The following SYN3 variants were observed in gnomAD, a reference collection of about 807,000 sequenced individuals.
SYN3 encodes synapsin-3.
SYN3 carries 35 observed loss-of-function variants against 65.8 expected under a neutral mutation model. The observed-to-expected ratio is 0.53, with a 90% CI of 0.41 to 0.70. The LOEUF is 0.70. SYN3 is among the 30% of genes least tolerant of loss of function. SYN3 has a pLI of 0.00. For missense variants in SYN3, 680 were observed against 749.0 expected, an observed-to-expected ratio of 0.91 and a Z score of 1.08; for synonymous variants, 270 against 292.9, an observed-to-expected ratio of 0.92 and a Z score of 0.80.
intron 6 of SYN3, among the ~76,000 whole-genome samples, chr22:32,752,758 G>A (rs371149368): frequency 9.2e-5 from 14 of 152,268 alleles, no homozygotes; most frequent in African/African-American, 3.1e-4. Flanking sequence ...ATCTCTGATC[G>A]ACAGGAGATC....
At chr22:32,793,983 G>A (rs530215430) in intron 6 of SYN3, among the ~76,000 whole-genome samples, 7 of 152,218 alleles carry the variant, frequency 4.6e-5, no homozygotes, top group Non-Finnish European at 1.0e-4. Context: ...TGCAAAGAAA[G>A]TGTTGGGGAA....
chr22:32,958,945 C>A (rs1011819998), intron 3 of SYN3, among the ~76,000 whole-genome samples: 36 of 152,114 alleles, frequency 2.4e-4, no homozygotes, highest in Admixed American at 4.6e-4. Flanking sequence ...ATAATCCCAG[C>A]ACTTTGAGAG....
At chr22:33,056,590 A>G (rs2054257917) in intron 1 of SYN3, among the ~76,000 whole-genome samples, 1 of 152,218 alleles carries the variant, frequency 6.6e-6, no homozygotes, top group Non-Finnish European at 1.5e-5. Flanking sequence ...CCTCTCTTGC[A>G]CTGCACCATA....
chr22:32,566,702 C>A (rs971961620), intron 7 of SYN3, among the ~76,000 whole-genome samples: 1 of 152,108 alleles, frequency 6.6e-6, no homozygotes, highest in Non-Finnish European at 1.5e-5. Context: ...ATGGAGACAA[C>A]TACAGGCTCC....
At chr22:32,533,918 A>G in intron 9 of SYN3, 23 bp from the exon 10 acceptor site, 1 of 1,572,130 alleles carries the variant, frequency 6.4e-7, no homozygotes, top group Non-Finnish European at 8.7e-7. Flanking sequence ...ATGGACAGAC[A>G]GTGAAGTGGC....
At chr22:32,764,117 C>T (rs1055972448) in intron 6 of SYN3, among the ~76,000 whole-genome samples, 107 of 152,092 alleles carry the variant, frequency 7.0e-4, no homozygotes, top group African/African-American at 2.5e-3. Context: ...TTTGTATATA[C>T]TTTTTAGTAG....
intron 6 of SYN3, among the ~76,000 whole-genome samples, chr22:32,648,079 G>A (rs1183328927): frequency 6.6e-6 from 1 of 151,842 alleles, no homozygotes; most frequent in African/African-American, 2.4e-5. Context: ...GCCTAGACTG[G>A]TCTCAAACTC....
At chr22:32,554,699 A>G (rs77126429) in intron 7 of SYN3, among the ~76,000 whole-genome samples, 3,829 of 152,304 alleles carry the variant, frequency 0.025, 64 homozygotes, top group Non-Finnish European at 0.037. Context: ...CACAGCAGTA[A>G]GAACTAGCTG....
At chr22:32,558,872 C>T (rs571934016) in intron 7 of SYN3, among the ~76,000 whole-genome samples, 2 of 152,358 alleles carry the variant, frequency 1.3e-5, no homozygotes, top group African/African-American at 2.4e-5. Context: ...ACCTGAGTCA[C>T]CCGCCCCACC....
intron 7 of SYN3, among the ~76,000 whole-genome samples, chr22:32,568,472 T>C (rs2058702615): frequency 6.6e-6 from 1 of 152,180 alleles, no homozygotes. Context: ...TCTAACAAAA[T>C]ACCATAAACT....
intron 10 of SYN3, among the ~76,000 whole-genome samples, chr22:32,529,346 G>A (rs771175665): frequency 8.5e-5 from 13 of 152,176 alleles, no homozygotes; most frequent in Admixed American, 5.9e-4. Context: ...CCCTCCCAGG[G>A]TCGGGGCTGG....
intron 6 of SYN3, among the ~76,000 whole-genome samples, chr22:32,721,714 C>T (rs1466069919): frequency 6.6e-6 from 1 of 152,198 alleles, no homozygotes; most frequent in East Asian, 1.9e-4. Context: ...TCTCAGCCTT[C>T]ATTATCATTC....
chr22:32,830,769 G>A (rs1405157714), intron 6 of SYN3, among the ~76,000 whole-genome samples: 1 of 152,126 alleles, frequency 6.6e-6, no homozygotes, highest in Non-Finnish European at 1.5e-5. Context: ...CATGGACCGT[G>A]AGTGTATCCG....
intron 6 of SYN3, among the ~76,000 whole-genome samples, chr22:32,706,233 C>T (rs2060879379): frequency 6.6e-6 from 1 of 152,056 alleles, no homozygotes; most frequent in Non-Finnish European, 1.5e-5. Flanking sequence ...GAGGTATGTT[C>T]CTTCAATACC....
Position 32,837,626 on chromosome 22 carries a change from C to T in SYN3, c.711+27289G>A, listed in dbSNP as rs375938858. Among the ~76,000 whole-genome samples, 1 of 152,122 alleles carries T rather than the reference C, an allele frequency of 6.6e-6. No homozygotes were observed. Among genetic ancestry groups the T allele is most frequent in the Admixed American group, 6.5e-5 (1 of 15,270 alleles). On this transcript the variant is annotated intron_variant, in intron 6 of 13. Transcript: ENST00000358763. This position sits in a 1 kb window ranked among gnomAD's most constrained non-coding sequence, Gnocchi z 4.1. ...CATTTGTGGTTCTGATGCAAAGACC[C>T]AGGCTTGTTTCTAGGGGTTTCTTGG...
At chr22:32,791,473 C>T (rs1315170203) in intron 6 of SYN3, among the ~76,000 whole-genome samples, 1 of 151,874 alleles carries the variant, frequency 6.6e-6, no homozygotes, top group African/African-American at 2.4e-5. Context: ...CTGATAGGGG[C>T]CATATCTAAT....
At chr22:32,710,099 A>G (rs199920106) in intron 6 of SYN3, among the ~76,000 whole-genome samples, 873 of 65,608 alleles carry the variant, frequency 0.013, 7 homozygotes, top group African/African-American at 0.075. Flanking sequence ...ACACACACAC[A>G]TGTGTGTGTG....
At chr22:32,725,362 T>C (rs1004939970) in intron 6 of SYN3, among the ~76,000 whole-genome samples, 9 of 152,188 alleles carry the variant, frequency 5.9e-5, no homozygotes, top group South Asian at 2.1e-4. Flanking sequence ...TAACTATTTC[T>C]TATGAAACTT....
intron 6 of SYN3, among the ~76,000 whole-genome samples, chr22:32,738,997 G>T (rs1426637088): frequency 6.6e-6 from 1 of 152,204 alleles, no homozygotes; most frequent in Non-Finnish European, 1.5e-5. Flanking sequence ...TTTCCCATCT[G>T]CTCATTCTTT....
Sources: gnomAD v4.1 joint callset for allele counts (sites outside exome capture counted in the v4.1 genomes callset) on GRCh38, gnomAD v4.1.1 for gene constraint, Gnocchi (gnomAD v3.1) non-coding constraint, MANE v1.5 for transcripts, NCBI Gene and HGNC (gene_info 2026-07-23, HGNC 2026-07-21) for gene names.